Variants in CNTN4 observed in about 807,000 individuals in gnomAD.
CNTN4 encodes contactin-4.
Under a neutral mutation model 122.5 loss-of-function variants are expected in CNTN4, and 77 were observed. The observed-to-expected ratio is 0.63, with a 90% confidence interval of 0.52 to 0.76. The LOEUF (loss-of-function observed/expected upper bound fraction) is 0.76, where lower values mean the gene tolerates loss of function less well. Among genes scored for constraint, CNTN4 ranks in the 30% least tolerant of loss-of-function variants. CNTN4 has a pLI of 0.00. For synonymous variants in CNTN4, 512 were observed against 447.0 expected (o/e 1.15, Z -1.83); for missense variants, 1,256 against 1,259.1 (o/e 1.00, Z 0.04).
At chr3:3,000,148 A>G (rs140259825) in intron 14 of CNTN4, among the ~76,000 whole-genome samples, 1 of 152,290 alleles carries the variant, frequency 6.6e-6, no homozygotes, top group Non-Finnish European at 1.5e-5. Context: ...AGATGACTAT[A>G]ACATCATTTA....
chr3:3,037,750 T>C, intron 18 of CNTN4: 1 of 257,652 alleles, frequency 3.9e-6, no homozygotes, highest in South Asian at 4.7e-5. Context: ...AGAATAGAAA[T>C]AAAAAATAAT....
chr3:2,797,175 A>G (rs2092212171), intron 6 of CNTN4, among the ~76,000 whole-genome samples: 1 of 152,004 alleles, frequency 6.6e-6, no homozygotes, highest in Non-Finnish European at 1.5e-5. Flanking sequence ...TAATTTTTTA[A>G]TTTTTTGTCA....
At chr3:2,507,743 AAAAAAAAGAAAGAAAG>A (rs2076772056) in intron 3 of CNTN4, among the ~76,000 whole-genome samples, 1 of 150,814 alleles carries the variant, frequency 6.6e-6, no homozygotes, top group South Asian at 2.1e-4. Flanking sequence ...TCAAAAAAAA[AAAAAAAAGAAAGAAAG>A]AAAAAAGAAA....
At chr3:2,477,716 G>C (rs940721960) in intron 3 of CNTN4, among the ~76,000 whole-genome samples, 4 of 152,188 alleles carry the variant, frequency 2.6e-5, no homozygotes, top group Non-Finnish European at 5.9e-5. Context: ...GGAGAACACA[G>C]ATGATTTTAC....
chr3:3,019,798 ACACATG>A, intron 14 of CNTN4, among the ~76,000 whole-genome samples: 1 of 123,274 alleles, frequency 8.1e-6, no homozygotes, highest in Non-Finnish European at 1.7e-5. Context: ...ATATATATAT[ACACATG>A]CATATATATA....
chr3:2,960,561 G>C (rs1360573759), intron 13 of CNTN4, among the ~76,000 whole-genome samples: 1 of 152,104 alleles, frequency 6.6e-6, no homozygotes, highest in Non-Finnish European at 1.5e-5. Flanking sequence ...TAATGACTTA[G>C]TTAGTATTAT....
chr3:2,589,214 G>T lies in CNTN4; in HGVS notation c.55+17656G>T, dbSNP rs1200568370. ...TTAATCACCAGAGTATTTTGACAGA[G>T]TGCTGAGTAGTTGCGGCATTAGTAG... On this transcript the variant is annotated intron_variant, in intron 4 of 24. Coordinates refer to ENST00000418658, the MANE Select transcript of CNTN4 (RefSeq NM_175607.3). Among the ~76,000 whole-genome samples, 4 of 152,168 alleles carry T rather than the reference G, an allele frequency of 2.6e-5. No individual in the cohort carries two copies. The East Asian group carries it at 7.7e-4, about 29-fold the overall frequency.
At chr3:3,030,805 T>G in intron 15 of CNTN4, 50 bp from the exon 16 acceptor site, 1 of 1,601,172 alleles carries the variant, frequency 6.2e-7, no homozygotes, top group Non-Finnish European at 8.6e-7. Flanking sequence ...GATAATGATA[T>G]TTAGAGCTCA....
intron 7 of CNTN4, among the ~76,000 whole-genome samples, chr3:2,834,759 C>G (rs954483084): frequency 2.0e-5 from 3 of 151,720 alleles, no homozygotes; most frequent in Non-Finnish European, 4.4e-5. Flanking sequence ...AAAATATGAT[C>G]TAAACAAAAT....
chr3:2,568,317 G>GAA (rs770465722), intron 3 of CNTN4, among the ~76,000 whole-genome samples: 18,536 of 70,610 alleles, frequency 0.26, 2,587 homozygotes, highest in Non-Finnish European at 0.35. Flanking sequence ...GCAAGAATGT[G>GAA]AAAAAAAAAA....
intron 13 of CNTN4, chr3:2,927,637 G>T: frequency 6.1e-6 from 1 of 162,750 alleles, no homozygotes; most frequent in Non-Finnish European, 1.3e-5. Context: ...TAGTATGCCA[G>T]TATCAAGAAT....
chr3:2,315,265 G>C (rs1032720028), intron 2 of CNTN4, among the ~76,000 whole-genome samples: 1 of 151,906 alleles, frequency 6.6e-6, no homozygotes, highest in East Asian at 1.9e-4. Context: ...ATTTCTAGTA[G>C]AGAAAGTGAC....
At chr3:2,669,304 C>T (rs1162750571) in intron 4 of CNTN4, among the ~76,000 whole-genome samples, 1 of 152,166 alleles carries the variant, frequency 6.6e-6, no homozygotes, top group Non-Finnish European at 1.5e-5. Context: ...TCAACTTCTT[C>T]CTGGTTTAGT....
At chr3:3,016,332 A>G (rs1171678016) in intron 14 of CNTN4, among the ~76,000 whole-genome samples, 2 of 152,130 alleles carry the variant, frequency 1.3e-5, no homozygotes, top group African/African-American at 2.4e-5. Context: ...CTCTTCTGTT[A>G]TTACTTGCTA....
At chr3:2,889,311 C>A (rs13315983) in intron 10 of CNTN4, among the ~76,000 whole-genome samples, 23,204 of 152,128 alleles carry the variant, frequency 0.15, 2,119 homozygotes, top group African/African-American at 0.25. Context: ...TGTTTGAATA[C>A]ATCTGCACTT....
At chr3:2,713,199 C>G (rs1222443264) in intron 4 of CNTN4, among the ~76,000 whole-genome samples, 1 of 152,040 alleles carries the variant, frequency 6.6e-6, no homozygotes, top group Non-Finnish European at 1.5e-5. Flanking sequence ...CAGGTATATT[C>G]AAAATGATAT....
At chr3:2,512,513 T>C (rs1274525032) in intron 3 of CNTN4, among the ~76,000 whole-genome samples, 1 of 152,264 alleles carries the variant, frequency 6.6e-6, no homozygotes, top group Non-Finnish European at 1.5e-5. Flanking sequence ...CATGATGTCT[T>C]TCACATGATC....
intron 2 of CNTN4, among the ~76,000 whole-genome samples, chr3:2,189,211 A>G (rs1559326144): frequency 1.3e-5 from 2 of 152,178 alleles, no homozygotes; most frequent in Admixed American, 1.3e-4. Flanking sequence ...CAGCTTCCAC[A>G]TGCAGGGTGT....
At chr3:2,200,832 T>G (rs932945861) in intron 2 of CNTN4, among the ~76,000 whole-genome samples, 23 of 152,184 alleles carry the variant, frequency 1.5e-4, no homozygotes, top group African/African-American at 5.5e-4. Context: ...ATAGCCCCCT[T>G]ATGCTTCAGT....
Sources: gnomAD v4.1 joint callset for allele counts (sites outside exome capture counted in the v4.1 genomes callset) on GRCh38, gnomAD v4.1.1 for gene constraint, MANE v1.5 for transcripts, NCBI Gene and HGNC (gene_info 2026-07-23, HGNC 2026-07-21) for gene names.